ATP13A4: variants seen among roughly 807,000 people sequenced by gnomAD.
ATP13A4 encodes ATPase 13A4.
A neutral mutation model predicts 142.5 loss-of-function variants in ATP13A4; 114 were observed. The ratio of observed to expected loss-of-function variants is 0.80; its 90% CI spans 0.69 to 0.93. ATP13A4 has a LOEUF of 0.93. Ranked by LOEUF, ATP13A4 falls within the 40% of genes least tolerant of loss-of-function variation. The probability of loss-of-function intolerance (pLI) is 0.00; values close to 1 mark genes in which losing one functional copy is unlikely to be tolerated. For synonymous variants in ATP13A4, 488 were observed against 514.8 expected (o/e 0.95, Z 0.70); for missense variants, 1,392 against 1,454.0 (o/e 0.96, Z 0.69).
intron 20 of ATP13A4, 107 bp downstream of exon 20, chr3:193,441,359 C>A: frequency 1.4e-6 from 2 of 1,380,086 alleles, no homozygotes; most frequent in African/African-American, 1.4e-5. Context: ...AGAAAACTCA[C>A]TGAGTATATT....
intron 6 of ATP13A4, among the ~76,000 whole-genome samples, chr3:193,490,988 AC>A (rs1192080526): frequency 1.3e-5 from 2 of 152,168 alleles, no homozygotes; most frequent in Non-Finnish European, 2.9e-5. Flanking sequence ...TGTATCTGTT[AC>A]CTAACAAAAG....
chr3:193,560,231 C>T (rs974616034), intron 2 of ATP13A4, among the ~76,000 whole-genome samples: 3 of 150,108 alleles, frequency 2.0e-5, no homozygotes, highest in Admixed American at 6.6e-5. Flanking sequence ...TTTTTTGAGA[C>T]AGGGTCTCGC....
intron 29 of ATP13A4, among the ~76,000 whole-genome samples, chr3:193,403,398 T>G (rs1204861381): frequency 2.6e-5 from 4 of 152,196 alleles, no homozygotes; most frequent in Non-Finnish European, 5.9e-5. Context: ...TGACACCTAT[T>G]ATGGGCAAAT....
At chr3:193,478,637 GA>G (rs907676626) in intron 8 of ATP13A4, among the ~76,000 whole-genome samples, 14 of 149,898 alleles carry the variant, frequency 9.3e-5, no homozygotes, top group Admixed American at 3.3e-4. Context: ...AAGTTACCAA[GA>G]AAAAAAAAGT....
intron 13 of ATP13A4, among the ~76,000 whole-genome samples, chr3:193,460,007 G>A (rs945454068): frequency 1.3e-5 from 2 of 152,180 alleles, no homozygotes; most frequent in African/African-American, 4.8e-5. Context: ...ACAGGCGTTG[G>A]TTCTCAAAGC....
At chr3:193,417,539 A>T (rs963629903) in intron 25 of ATP13A4, among the ~76,000 whole-genome samples, 1 of 152,188 alleles carries the variant, frequency 6.6e-6, no homozygotes, top group East Asian at 1.9e-4. Flanking sequence ...CATCTCCATA[A>T]TTACATTTTA....
chr3:193,411,593 A>G (rs187955513), intron 27 of ATP13A4, among the ~76,000 whole-genome samples: 1 of 152,332 alleles, frequency 6.6e-6, no homozygotes, highest in Non-Finnish European at 1.5e-5. Flanking sequence ...TTTTTTCAAT[A>G]AGAAGAGTAG....
Position 193,467,227 on chromosome 3 carries a change from C to A in ATP13A4, c.1114+89G>T. The A allele has an allele frequency of 3.8e-6, 5 of 1,324,698 alleles. No homozygotes were observed. In the South Asian group the frequency reaches 4.0e-5, roughly 11 times the overall value. The allele number at this position is 1,324,698 out of a possible 1,614,324, so 82.1% of individuals were successfully genotyped here. On this transcript the variant is annotated intron_variant, in intron 10 of 29. Transcript: ENST00000342695. Reference sequence around the variant, plus strand: ...AAAAAATATGATTATAAAGAAAAAACAGCTTCTCTTTACCTAATAAATTTA... The same window carrying A: ...AAAAAATATGATTATAAAGAAAAAAAAGCTTCTCTTTACCTAATAAATTTA...
intron 1 of ATP13A4, among the ~76,000 whole-genome samples, chr3:193,547,323 C>G (rs935350229): frequency 5.3e-5 from 8 of 152,180 alleles, no homozygotes; most frequent in Non-Finnish European, 1.5e-5. Flanking sequence ...CTCTCTGCTT[C>G]AAAACTTCCA....
intron 18 of ATP13A4, among the ~76,000 whole-genome samples, chr3:193,447,080 G>A (rs571637668): frequency 2.6e-5 from 4 of 152,038 alleles, no homozygotes; most frequent in Non-Finnish European, 4.4e-5. Context: ...AAAGAAATAC[G>A]GCAGAAATTT....
rs1336825483 is a variant in ATP13A4 at position 193,586,110 on chromosome 3, CACACACAT to C, written n.92-4212_92-4205del. 1.5e-4 allele frequency among the ~76,000 whole-genome samples: 19 copies of C among 126,220 alleles called. 1 individual carries two copies. The highest frequency in any genetic ancestry group is 9.9e-4 in the South Asian group (4 of 4,044). The allele number at this position is 126,220 out of a possible 152,430, so 82.8% of individuals were successfully genotyped here. On this transcript the variant is annotated intron_variant and non_coding_transcript_variant, in intron 1 of 3. Coordinates refer to the ATP13A4 transcript ENST00000489140. ...ACACATACACACACACACACACACA[CACACACAT>C]ATACACACACACGCATATCGTCCTT...
intron 1 of ATP13A4, among the ~76,000 whole-genome samples, chr3:193,582,479 A>C (rs1184132354): frequency 6.9e-6 from 1 of 145,234 alleles, no homozygotes; most frequent in Non-Finnish European, 1.5e-5. Flanking sequence ...ATGTACATAT[A>C]ATATATACAT....
At chr3:193,573,020 C>G (rs1724302534) in intron 2 of ATP13A4, among the ~76,000 whole-genome samples, 1 of 85,588 alleles carries the variant, frequency 1.2e-5, no homozygotes, top group Non-Finnish European at 2.1e-5. Context: ...CCTGTGGTCC[C>G]AGTTACTCGG....
intron 6 of ATP13A4, among the ~76,000 whole-genome samples, chr3:193,490,841 C>A (rs541452341): frequency 6.6e-6 from 1 of 152,050 alleles, no homozygotes; most frequent in Admixed American, 6.6e-5. Context: ...TGATAATAAT[C>A]GCTGTAAAGT....
intron 16 of ATP13A4, among the ~76,000 whole-genome samples, chr3:193,455,074 C>T (rs191764112): frequency 3.3e-5 from 5 of 152,038 alleles, no homozygotes; most frequent in Non-Finnish European, 7.4e-5. Flanking sequence ...TGTGGTGGCT[C>T]AAGCCTGTAA....
intron 8 of ATP13A4, among the ~76,000 whole-genome samples, chr3:193,474,354 AAAAAG>A (rs1341454026): frequency 6.7e-6 from 1 of 150,134 alleles, no homozygotes; most frequent in Admixed American, 6.6e-5. Flanking sequence ...AAAACAAACA[AAAAAG>A]AAAAGAAATA....
intron 7 of ATP13A4, among the ~76,000 whole-genome samples, chr3:193,487,182 A>C (rs1371722313): frequency 6.6e-6 from 1 of 152,186 alleles, no homozygotes; most frequent in East Asian, 1.9e-4. Context: ...TTCAGAAAGA[A>C]TGGAGCAGTT....
intron 1 of ATP13A4, 100 bp from the exon 2 acceptor site, chr3:193,514,971 G>T: frequency 7.5e-7 from 1 of 1,332,592 alleles, no homozygotes; most frequent in South Asian, 1.2e-5. Flanking sequence ...CAGAGTGAAG[G>T]AGTTGAGGAG....
intron 1 of ATP13A4, among the ~76,000 whole-genome samples, chr3:193,527,068 C>T (rs9833322): frequency 1.3e-3 from 197 of 152,222 alleles, no homozygotes; most frequent in African/African-American, 4.6e-3. Context: ...TCAAGAGTTG[C>T]GGCCCACAGC....
Sources: gnomAD v4.1 joint callset for allele counts (sites outside exome capture counted in the v4.1 genomes callset) on GRCh38, gnomAD v4.1.1 for gene constraint, MANE v1.5 for transcripts, NCBI Gene and HGNC (gene_info 2026-07-23, HGNC 2026-07-21) for gene names.